TLL2: variants seen among roughly 807,000 people sequenced by gnomAD.
The protein encoded by TLL2 is tolloid like 2.
Under a neutral mutation model 123.0 loss-of-function variants are expected in TLL2, and 106 were observed. That is an observed-to-expected ratio of 0.86 (90% CI 0.74 to 1.01). The LOEUF is 1.01. Ranked by LOEUF, TLL2 falls within the 50% of genes least tolerant of loss-of-function variation. The pLI is 0.00. For missense variants in TLL2, 1,332 were observed against 1,336.7 expected, an observed-to-expected ratio of 1.00 and a Z score of 0.06; for synonymous variants, 494 against 516.8, an observed-to-expected ratio of 0.96 and a Z score of 0.60.
intron 2 of TLL2, among the ~76,000 whole-genome samples, chr10:96,473,050 C>A (rs187957199): frequency 0.017 from 2,609 of 151,696 alleles, 78 homozygotes; most frequent in African/African-American, 0.059. Context: ...TTCCATCAGC[C>A]CCCCCCAATC....
chr10:96,427,525 T>C (rs1846690358), intron 5 of TLL2, among the ~76,000 whole-genome samples: 1 of 152,202 alleles, frequency 6.6e-6, no homozygotes, highest in Non-Finnish European at 1.5e-5. Flanking sequence ...GCATGAAGAC[T>C]TATGACAGTT....
At chr10:96,409,243 G>A (rs1277019861) in intron 9 of TLL2, among the ~76,000 whole-genome samples, 3 of 152,216 alleles carry the variant, frequency 2.0e-5, no homozygotes, top group Non-Finnish European at 4.4e-5. Flanking sequence ...AGACTGTGTG[G>A]AGTGCTGGGG....
chr10:96,435,578 G>A (rs2134082469), intron 3 of TLL2, among the ~76,000 whole-genome samples: 1 of 152,282 alleles, frequency 6.6e-6, no homozygotes, highest in South Asian at 2.1e-4. Flanking sequence ...TATTCTGACA[G>A]TTTTATAGTT....
At chr10:96,385,555 G>A (rs1417433918) in intron 15 of TLL2, among the ~76,000 whole-genome samples, 1 of 152,116 alleles carries the variant, frequency 6.6e-6, no homozygotes, top group African/African-American at 2.4e-5. Flanking sequence ...GGAATGGCTT[G>A]TGTGCCCCAG....
intron 8 of TLL2, among the ~76,000 whole-genome samples, chr10:96,412,251 C>A (rs866665192): frequency 6.6e-6 from 1 of 152,152 alleles, no homozygotes; most frequent in South Asian, 2.1e-4. Context: ...TCGGGTCCTG[C>A]TTAGTAAGGT....
chr10:96,489,833 A>T (rs1031050026), intron 1 of TLL2, among the ~76,000 whole-genome samples: 2 of 152,112 alleles, frequency 1.3e-5, no homozygotes, highest in Non-Finnish European at 2.9e-5. Flanking sequence ...GCAGTGGCTC[A>T]CGCCTGTAAT....
At chr10:96,502,195 C>A (rs928750616) in intron 1 of TLL2, among the ~76,000 whole-genome samples, 1 of 152,052 alleles carries the variant, frequency 6.6e-6, no homozygotes, top group Non-Finnish European at 1.5e-5. Context: ...TGGAACCTGG[C>A]AGGTAAGGGG....
intron 2 of TLL2, among the ~76,000 whole-genome samples, chr10:96,472,468 G>A (rs1414435260): frequency 4.6e-5 from 7 of 152,166 alleles, no homozygotes; most frequent in African/African-American, 1.4e-4. Flanking sequence ...TCTCTCAAGA[G>A]CCTCAAAGTT....
At position 96,513,678 on chromosome 10, in the gene TLL2, C is replaced by G. The variant is rs1402793715; in HGVS notation, c.8G>C (p.Arg3Pro). ...CACCAGGGCCCCAAGTGCAGTCGCC[C>G]GGGGCATGGTGGCGCGGGGCCGGCT... MP[R>P]ATALGALVSL... Residue 3 changes from arginine (R) to proline (P), a missense_variant, in exon 1 of 21, where the codon CGG (arginine) becomes CCG (proline). By Grantham distance (103) the Arg-to-Pro change is moderately radical (BLOSUM62 -2). Coordinates refer to ENST00000357947, the MANE Select transcript of TLL2 (RefSeq NM_012465.4). 145 of 1,547,132 alleles carry G rather than the reference C, an allele frequency of 9.4e-5. 1 individual carries two copies. In the East Asian group the frequency reaches 3.4e-3, roughly 37 times the overall value.
chr10:96,459,533 GC>G (rs1847052079), intron 2 of TLL2, among the ~76,000 whole-genome samples: 1 of 150,550 alleles, frequency 6.6e-6, no homozygotes, highest in Non-Finnish European at 1.5e-5. Context: ...ACAAAAATCA[GC>G]CGGCACCCCT....
chr10:96,476,422 G>T (rs532214444), intron 2 of TLL2, among the ~76,000 whole-genome samples: 70 of 150,440 alleles, frequency 4.7e-4, no homozygotes, highest in African/African-American at 1.6e-3. Context: ...CACCATGCCC[G>T]GCTAATTTTT....
At chr10:96,414,680 AAC>A (rs1257894012) in intron 7 of TLL2, among the ~76,000 whole-genome samples, 2 of 152,034 alleles carry the variant, frequency 1.3e-5, no homozygotes, top group Non-Finnish European at 2.9e-5. Flanking sequence ...GATGCCTCGT[AAC>A]ACCTCCCCTG....
chr10:96,488,431 C>G (rs1056653299), intron 1 of TLL2, among the ~76,000 whole-genome samples: 1 of 152,228 alleles, frequency 6.6e-6, no homozygotes, highest in African/African-American at 2.4e-5. Flanking sequence ...CAGAGAGCCC[C>G]TTCCCACGCC....
At chr10:96,482,708 G>C (rs1236519570) in intron 1 of TLL2, among the ~76,000 whole-genome samples, 1 of 152,192 alleles carries the variant, frequency 6.6e-6, no homozygotes, top group Admixed American at 6.5e-5. Flanking sequence ...GCAGAAATTT[G>C]GGGGTTGCTG....
chr10:96,476,180 A>C lies in TLL2; in HGVS notation c.286+4169T>G, dbSNP rs561037583. 2.5e-3 allele frequency among the ~76,000 whole-genome samples: 360 copies of C among 144,712 alleles called. 1 individual carries two copies. The highest frequency in any genetic ancestry group is 4.6e-3 in the Non-Finnish European group (306 of 66,410). The allele number at this position is 144,712 out of a possible 152,430, so 94.9% of individuals were successfully genotyped here. The stretch of plus-strand genomic sequence containing the variant: ...TACATCTTCCCACACATTTGGAAGT[A>C]GGAAAAGAGGATAAAGGTGTGGTTC... On this transcript the variant is annotated intron_variant, in intron 2 of 20. Coordinates refer to ENST00000357947, the MANE Select transcript of TLL2 (RefSeq NM_012465.4).
intron 1 of TLL2, among the ~76,000 whole-genome samples, chr10:96,506,878 G>A (rs185198361): frequency 1.3e-5 from 2 of 152,250 alleles, no homozygotes; most frequent in East Asian, 3.9e-4. Context: ...TGATTATGTT[G>A]TTGTGGACTT....
At chr10:96,486,323 A>C (rs1380945659) in intron 1 of TLL2, among the ~76,000 whole-genome samples, 1 of 152,220 alleles carries the variant, frequency 6.6e-6, no homozygotes, top group Non-Finnish European at 1.5e-5. Context: ...TTATCCATAT[A>C]GTTTGAAAAA....
intron 11 of TLL2, among the ~76,000 whole-genome samples, chr10:96,396,811 CAG>C (rs1032723605): frequency 6.6e-6 from 1 of 152,146 alleles, no homozygotes; most frequent in African/African-American, 2.4e-5. Context: ...AGGAAACAAA[CAG>C]AGGCCTAGAG....
At chr10:96,438,587 CA>C (rs1391952227) in intron 3 of TLL2, among the ~76,000 whole-genome samples, 7 of 152,156 alleles carry the variant, frequency 4.6e-5, no homozygotes, top group Non-Finnish European at 1.0e-4. Flanking sequence ...TGTAGACAAA[CA>C]TGTCATTTAC....
Sources: allele counts gnomAD v4.1 joint callset (sites outside exome capture counted in the v4.1 genomes callset), GRCh38; gene constraint gnomAD v4.1.1; transcripts MANE v1.5; gene names NCBI Gene and HGNC (gene_info 2026-07-23, HGNC 2026-07-21).